GABRA2: variants seen among roughly 807,000 people sequenced by gnomAD.
GABRA2 encodes gamma-aminobutyric acid receptor subunit alpha-2.
Under a neutral mutation model 48.7 loss-of-function variants are expected in GABRA2, and 16 were observed. The ratio of observed to expected loss-of-function variants is 0.33; its 90% CI spans 0.22 to 0.50. The LOEUF is 0.50. GABRA2 is among the 20% of genes least tolerant of loss of function. The probability of loss-of-function intolerance (pLI) is 0.98; values close to 1 mark genes in which losing one functional copy is unlikely to be tolerated. For missense variants in GABRA2, 275 were observed against 535.6 expected (o/e 0.51, Z 4.80); for synonymous variants, 185 against 184.5 (o/e 1.00, Z -0.02).
intron 3 of GABRA2, among the ~76,000 whole-genome samples, chr4:46,380,337 A>C (rs1716590251): frequency 6.6e-6 from 1 of 152,238 alleles, no homozygotes; most frequent in Admixed American, 6.5e-5. Context: ...TGAATGCATA[A>C]GAAACACACA....
chr4:46,256,140 T>A (rs932599538), intron 9 of GABRA2: 1 of 485,118 alleles, frequency 2.1e-6, no homozygotes, highest in Non-Finnish European at 3.7e-6. Flanking sequence ...ATTGGTCAGA[T>A]AATGCTATTG....
Position 46,254,525 on chromosome 4 carries a change from C to G in GABRA2, c.1060-3921G>C, listed in dbSNP as rs187634167. ...TCTACTTTAAGGCACCTAGATAGGCCACTTCATATCATTTATGAGAATAAG... is the reference window on the plus strand; with the variant it reads ...TCTACTTTAAGGCACCTAGATAGGCGACTTCATATCATTTATGAGAATAAG... On this transcript the variant is annotated intron_variant, in intron 9 of 9. Coordinates refer to ENST00000381620, the MANE Select transcript of GABRA2 (RefSeq NM_000807.4). Among the ~76,000 whole-genome samples, 918 of 151,240 alleles carry G rather than the reference C, an allele frequency of 6.1e-3. 36 individuals are homozygous for G. Among genetic ancestry groups the G allele is most frequent in the Admixed American group, 0.057 (855 of 15,094 alleles).
chr4:46,303,866 C>T (rs556730783), intron 7 of GABRA2, among the ~76,000 whole-genome samples: 1 of 152,076 alleles, frequency 6.6e-6, no homozygotes, highest in Admixed American at 6.6e-5. Context: ...ATGTAAAATA[C>T]GTGGAACTAG....
chr4:46,252,505 A>G (rs1714977405), intron 9 of GABRA2, among the ~76,000 whole-genome samples: 1 of 151,426 alleles, frequency 6.6e-6, no homozygotes, highest in Non-Finnish European at 1.5e-5. Flanking sequence ...AAGGCTAAAA[A>G]AGTTTTCTGA....
rs1731050062 is a variant in GABRA2 at position 46,329,955 on chromosome 4, A to G, written c.255+2660T>C. ...AAATGTATTATTAGGGAAAATGTCT[A>G]GGGCCTTCAAGATTTTCAAAAACCT... is the stretch of plus-strand genomic sequence containing the variant. On this transcript the variant is annotated intron_variant, in intron 4 of 9. Coordinates refer to ENST00000381620, the MANE Select transcript of GABRA2 (RefSeq NM_000807.4). 1.3e-5 allele frequency among the ~76,000 whole-genome samples: 2 copies of G among 152,114 alleles called. 1 individual carries two copies. Among genetic ancestry groups the G allele is most frequent in the Admixed American group, 1.3e-4 (2 of 15,254 alleles).
Position 46,312,603 on chromosome 4 carries a change from A to T in GABRA2, c.369T>A (p.Thr123=), listed in dbSNP as rs1578009165. The part of the protein sequence containing the change: ...LNNLMASKIW[T]PDTFFHNGKK... The stretch of plus-strand genomic sequence containing the variant: ...TCCCATTGTGAAAAAAGGTATCTGG[A>T]GTCCAGATTTTGCTAGCCATTAAAT... The change falls in exon 5 of 10, where the codon ACT becomes ACA. Residue 123 remains threonine (T), a synonymous_variant. Transcript: ENST00000381620. 1 of 1,584,932 alleles carries T rather than the reference A, an allele frequency of 6.3e-7. No homozygotes were observed. Among genetic ancestry groups the T allele is most frequent in the African/African-American group, 1.4e-5 (1 of 73,278 alleles).
chr4:46,338,981 G>T (rs188347913), intron 3 of GABRA2, among the ~76,000 whole-genome samples: 72 of 151,896 alleles, frequency 4.7e-4, no homozygotes, highest in African/African-American at 1.7e-3. Flanking sequence ...GGCTAATCAG[G>T]TTTATTGTTT....
At chr4:46,370,893 C>A (rs781682016) in intron 3 of GABRA2, among the ~76,000 whole-genome samples, 12 of 150,214 alleles carry the variant, frequency 8.0e-5, no homozygotes, top group Non-Finnish European at 1.5e-4. Context: ...TTGAAACAAG[C>A]CACACACACA....
intron 3 of GABRA2, among the ~76,000 whole-genome samples, chr4:46,380,255 G>A (rs1378837067): frequency 6.6e-6 from 1 of 152,144 alleles, no homozygotes; most frequent in Non-Finnish European, 1.5e-5. Flanking sequence ...GAAGATAAAT[G>A]CATCATCTTT....
chr4:46,250,809 C>A (rs185664596), intron 9 of GABRA2, among the ~76,000 whole-genome samples: 64 of 151,562 alleles, frequency 4.2e-4, no homozygotes, highest in African/African-American at 1.5e-3. Flanking sequence ...ATTAGTGGTA[C>A]CACTTTCTTG....
Position 46,243,875 on chromosome 4 carries a change from C to G in GABRA2, c.*6433G>C, listed in dbSNP as rs1379494390. ...ATTAATTTGTAGCAAAGGAAAAATA[C>G]TTTATTCCTTTTATTTTCTATTCAA... On this transcript the variant is annotated 3_prime_UTR_variant, in exon 10 of 10. Transcript: ENST00000381620. 6.6e-6 allele frequency: 1 copy of G among 151,526 alleles called. No individual in the cohort carries two copies. 9.4% of individuals were successfully genotyped at this position (151,526 alleles called of 1,614,324 possible). A position where few individuals can be genotyped will look rare whatever the true frequency, so the allele number is the denominator to read the frequency against.
chr4:46,334,032 T>G (rs1489495918), intron 3 of GABRA2, among the ~76,000 whole-genome samples: 1 of 152,180 alleles, frequency 6.6e-6, no homozygotes. Flanking sequence ...TAAGCTTTGT[T>G]GTATATACTA....
chr4:46,301,211 T>C (rs1245832013), intron 8 of GABRA2, among the ~76,000 whole-genome samples: 2 of 152,148 alleles, frequency 1.3e-5, no homozygotes, highest in Non-Finnish European at 2.9e-5. Context: ...ATCTATACCT[T>C]TGATGGTGGT....
At position 46,300,995 on chromosome 4, in the gene GABRA2, A is replaced by T. The variant is rs143502058; in HGVS notation, c.856+2465T>A. Among the ~76,000 whole-genome samples, 259 of 152,282 alleles carry T rather than the reference A, an allele frequency of 1.7e-3. 2 individuals are homozygous for T. The highest frequency in any genetic ancestry group is 6.1e-3 in the African/African-American group (253 of 41,576). On this transcript the variant is annotated intron_variant, in intron 8 of 9. Transcript: ENST00000381620. ...CTAGAATACAAGTAGGATCAGATTA[A>T]TAATAAGAATAATAGCTTTAGTTAC...
rs141256119 is a variant in GABRA2 at position 46,254,402 on chromosome 4, C to T, written c.1060-3798G>A. Among the ~76,000 whole-genome samples the T allele has an allele frequency of 4.9e-3, 746 of 151,478 alleles. 8 individuals are homozygous for T. Among genetic ancestry groups the T allele is most frequent in the African/African-American group, 0.016 (677 of 41,410 alleles). ...TCATTTCCATAAATGAATTTTTTAA[C>T]GCTTATGTTCCTATACAATTTTTGT... On this transcript the variant is annotated intron_variant, in intron 9 of 9. Transcript: ENST00000381620.
chr4:46,284,265 C>T (rs1261651844), intron 8 of GABRA2, among the ~76,000 whole-genome samples: 1 of 152,088 alleles, frequency 6.6e-6, no homozygotes, highest in Non-Finnish European at 1.5e-5. Flanking sequence ...CATAACTTCA[C>T]AAGTTAAGCT....
At chr4:46,281,875 G>T (rs186308602) in intron 8 of GABRA2, among the ~76,000 whole-genome samples, 2 of 144,476 alleles carry the variant, frequency 1.4e-5, no homozygotes, top group East Asian at 3.9e-4. Context: ...AGATGATCAA[G>T]TAAAAAATCA....
At chr4:46,317,292 G>A (rs1728705632) in intron 4 of GABRA2, among the ~76,000 whole-genome samples, 1 of 151,842 alleles carries the variant, frequency 6.6e-6, no homozygotes, top group Non-Finnish European at 1.5e-5. Context: ...TTAAGTGGAA[G>A]CAGGGTAATC....
At chr4:46,304,381 C>A (rs1159071818) in intron 7 of GABRA2, among the ~76,000 whole-genome samples, 1 of 152,112 alleles carries the variant, frequency 6.6e-6, no homozygotes, top group African/African-American at 2.4e-5. Context: ...CTATCTAATC[C>A]TCATATCTAC....
Sources: allele counts gnomAD v4.1 joint callset (sites outside exome capture counted in the v4.1 genomes callset), GRCh38; gene constraint gnomAD v4.1.1; transcripts MANE v1.5; gene names NCBI Gene and HGNC (gene_info 2026-07-23, HGNC 2026-07-21).